TMEM94: variants seen among roughly 807,000 people sequenced by gnomAD.
The protein encoded by TMEM94 is transmembrane protein 94, also known as ER Mg2+ ATPase.
Under a neutral mutation model 158.6 loss-of-function variants are expected in TMEM94, and 81 were observed. The observed-to-expected ratio is 0.51, with a 90% confidence interval of 0.43 to 0.61. The LOEUF is 0.61. TMEM94 is among the 20% of genes least tolerant of loss of function. The probability of loss-of-function intolerance (pLI) is 0.00; values close to 1 mark genes in which losing one functional copy is unlikely to be tolerated. For synonymous variants in TMEM94, 751 were observed against 730.7 expected (o/e 1.03, Z -0.45); for missense variants, 1,435 against 1,762.0 (o/e 0.81, Z 3.32).
Position 75,494,987 on chromosome 17 carries a change from C to T in TMEM94, c.2681C>T (p.Pro894Leu), listed in dbSNP as rs368578867. 7 of 1,613,458 alleles carry T rather than the reference C, an allele frequency of 4.3e-6. No homozygotes were observed. The highest frequency in any genetic ancestry group is 1.6e-4 in the Middle Eastern group (1 of 6,062). ...NGDMPGSEIP[P>L]SSPSHAGSLH... Reference sequence around the variant, plus strand: ...GACATGCCTGGCTCCGAGATCCCCCCCTCCAGCCCCAGCCACGCAGGCTCC... The same window carrying T: ...GACATGCCTGGCTCCGAGATCCCCCTCTCCAGCCCCAGCCACGCAGGCTCC... Residue 894 changes from proline to leucine, a missense_variant, in exon 20 of 32, where the codon CCC becomes CTC. Pro to Leu is a moderately conservative substitution (Grantham distance 98, BLOSUM62 -3). Around this residue, in one of 3 missense-constraint regions of TMEM94, gnomAD observed 1,051 missense variants for 1,254.4 expected, o/e 0.84. Transcript: ENST00000314256.
chr17:75,478,893 G>A, intron 2 of TMEM94, among the ~76,000 whole-genome samples: 1 of 152,308 alleles, frequency 6.6e-6, no homozygotes, highest in South Asian at 2.1e-4. Context: ...CTTAAGGCCA[G>A]GTTAGATTTT....
intron 11 of TMEM94, 138 bp from the exon 12 acceptor site, chr17:75,490,911 C>CG (rs1023843020): frequency 3.2e-6 from 3 of 924,912 alleles, no homozygotes; most frequent in Middle Eastern, 4.4e-4. Flanking sequence ...GTTCCCATAA[C>CG]GTGTCCACAC....
At chr17:75,493,663 G>A (rs1426477333) in intron 17 of TMEM94, 36 bp from the exon 18 acceptor site, 1 of 1,613,580 alleles carries the variant, frequency 6.2e-7, no homozygotes, top group East Asian at 2.2e-5. Flanking sequence ...TCACAGGCAG[G>A]AACACTCACC....
chr17:75,492,039 G>C lies in TMEM94; in HGVS notation c.1596+139G>C. On this transcript the variant is annotated intron_variant, in intron 14 of 31. Transcript: ENST00000314256. This position sits in a 1 kb window ranked among gnomAD's most constrained non-coding sequence, Gnocchi z 4.4. ...CCCAGCACCTCCAGGCTAGGCCAGT[G>C]GTCCCTGAGGCCCTCCCCAAGTCTG... is the stretch of plus-strand genomic sequence containing the variant. 1 of 911,498 alleles carries C rather than the reference G, an allele frequency of 1.1e-6. No individual in the cohort carries two copies. The highest frequency in any genetic ancestry group is 1.7e-5 in the South Asian group (1 of 58,274). The allele number at this position is 911,498 out of a possible 1,614,324, so 56.5% of individuals were successfully genotyped here.
chr17:75,493,999 G>A, intron 18 of TMEM94, 83 bp downstream of exon 18: 1 of 1,367,172 alleles, frequency 7.3e-7, no homozygotes. Context: ...GGCGTCTGGA[G>A]GGCCCCGGCA....
chr17:75,491,270 G>C lies in TMEM94; in HGVS notation c.1234-33G>C, dbSNP rs774825477. On this transcript the variant is annotated intron_variant, in intron 12 of 31. Transcript: ENST00000314256. The surrounding 1 kb of genome is among the most constrained non-coding windows in gnomAD (Gnocchi z 5.1). ...CCTGGGCAGGATAGGCTAATGCCAG[G>C]CCCCTTTCCTATCTCAAATGCTTTC... 1 of 1,595,204 alleles carries C rather than the reference G, an allele frequency of 6.3e-7. No homozygotes were observed. Among genetic ancestry groups the C allele is most frequent in the East Asian group, 2.2e-5 (1 of 44,870 alleles).
At chr17:75,486,474 T>A in intron 5 of TMEM94, 48 bp downstream of exon 5, 10 of 1,612,352 alleles carry the variant, frequency 6.2e-6, no homozygotes, top group Non-Finnish European at 7.6e-6. Context: ...ACCGGACATA[T>A]CAGAGCCCTG....
In TMEM94 at chr17:75,499,258, C is replaced by T. The variant is rs2053082940; in HGVS notation, c.3999-4C>T. 6.2e-7 allele frequency: 1 copy of T among 1,613,622 alleles called. No homozygotes were observed. The highest frequency in any genetic ancestry group is 8.5e-7 in the Non-Finnish European group (1 of 1,179,960). The stretch of plus-strand genomic sequence containing the variant: ...ACCTGTACTTTAATCTCCTGCCCCA[C>T]CAGGGTCCGAGTCCGCTACCAGAAG... On this transcript the variant is annotated splice_polypyrimidine_tract_variant and splice_region_variant and intron_variant, in intron 31 of 31. Coordinates refer to ENST00000314256, the MANE Select transcript of TMEM94 (RefSeq NM_014738.6).
At position 75,485,339 on chromosome 17, in the gene TMEM94, A is replaced by G; in HGVS notation, c.25-89A>G. The G allele has an allele frequency of 4.8e-6, 7 of 1,473,550 alleles. No homozygotes were observed. The highest frequency in any genetic ancestry group is 5.5e-6 in the Non-Finnish European group (6 of 1,082,648). The allele number at this position is 1,473,550 out of a possible 1,614,324, so 91.3% of individuals were successfully genotyped here. ...AGGATCCCAGAGGAGGGGAAGGATGAAGGGCCAGGGAAGGGGAGGGTTGGG... is the reference window on the plus strand; with the variant it reads ...AGGATCCCAGAGGAGGGGAAGGATGGAGGGCCAGGGAAGGGGAGGGTTGGG... On this transcript the variant is annotated intron_variant, in intron 2 of 31. Transcript: ENST00000314256. The surrounding 1 kb of genome is among the most constrained non-coding windows in gnomAD (Gnocchi z 5.5).
At chr17:75,464,608 TTCCTTTCTTTCTTTCCTTCCTTCC>T (rs1567906639) in intron 1 of TMEM94, among the ~76,000 whole-genome samples, 13 of 75,986 alleles carry the variant, frequency 1.7e-4, no homozygotes, top group East Asian at 1.2e-3. Flanking sequence ...CTTTCTTTCC[TTCCTTTCTTTCTTTCCTTCCTTCC>T]TTCCTTCCTT....
chr17:75,489,693 T>G lies in TMEM94; in HGVS notation c.954+31T>G. On this transcript the variant is annotated intron_variant, in intron 9 of 31. Transcript: ENST00000314256. This position sits in a 1 kb window ranked among gnomAD's most constrained non-coding sequence, Gnocchi z 5.0. ...GACCACCCTGTCCTCTCTGTCATGC[T>G]TCCCTCCGACCCGCAGGGCTGGCTC... 1.3e-6 allele frequency: 2 copies of G among 1,579,906 alleles called. No individual in the cohort carries two copies. Among genetic ancestry groups the G allele is most frequent in the Non-Finnish European group, 8.7e-7 (1 of 1,149,462 alleles).
rs1237655952 is a variant in TMEM94 at position 75,486,486 on chromosome 17, G to C, written c.409+60G>C. 5 of 1,606,642 alleles carry C rather than the reference G, an allele frequency of 3.1e-6. No homozygotes were observed. The African/African-American group carries it at 5.3e-5, about 17-fold the overall frequency. On this transcript the variant is annotated intron_variant, in intron 5 of 31. Coordinates refer to ENST00000314256, the MANE Select transcript of TMEM94 (RefSeq NM_014738.6). ...ATGACCGGACATATCAGAGCCCTGAGGGCTCCCCTCCTGCACCCCAGCACA... is the reference window on the plus strand; with the variant it reads ...ATGACCGGACATATCAGAGCCCTGACGGCTCCCCTCCTGCACCCCAGCACA...
intron 1 of TMEM94, among the ~76,000 whole-genome samples, chr17:75,463,923 A>G (rs1598305833): frequency 6.6e-6 from 1 of 152,238 alleles, no homozygotes; most frequent in Non-Finnish European, 1.5e-5. Flanking sequence ...ACACAGATCT[A>G]TCAATTAGTA....
At chr17:75,469,625 G>A (rs77520817) in intron 1 of TMEM94, among the ~76,000 whole-genome samples, 2 of 148,808 alleles carry the variant, frequency 1.3e-5, no homozygotes, top group African/African-American at 5.0e-5. Context: ...GATTGCAGGC[G>A]TGAGCCACTG....
At chr17:75,476,647 G>A in intron 2 of TMEM94, 1 of 1,534,542 alleles carries the variant, frequency 6.5e-7, no homozygotes, top group Non-Finnish European at 8.7e-7. Context: ...GGGAGGTGTT[G>A]GAAGTTCTTG....
intron 1 of TMEM94, among the ~76,000 whole-genome samples, chr17:75,463,129 T>C (rs1401270099): frequency 2.1e-4 from 1 of 4,832 alleles, no homozygotes; most frequent in East Asian, 1.2e-3. Flanking sequence ...TATATATACG[T>C]GTATATATGT....
In TMEM94 at chr17:75,494,987, C is replaced by G. The variant is rs368578867; in HGVS notation, c.2681C>G (p.Pro894Arg). 31 of 1,613,340 alleles carry G rather than the reference C, an allele frequency of 1.9e-5. No homozygotes were observed. The highest frequency in any genetic ancestry group is 2.4e-5 in the Non-Finnish European group (28 of 1,180,028). The change falls in exon 20 of 32, where the codon CCC (proline) becomes CGC (arginine). Residue 894 changes from proline (P) to arginine (R), a missense_variant. Around this residue, in one of 3 missense-constraint regions of TMEM94, gnomAD observed 1,051 missense variants for 1,254.4 expected, o/e 0.84. Transcript: ENST00000314256. Reference protein sequence around the residue: ...NGDMPGSEIPPSSPSHAGSLH... With the variant: ...NGDMPGSEIPRSSPSHAGSLH... ...GACATGCCTGGCTCCGAGATCCCCC[C>G]CTCCAGCCCCAGCCACGCAGGCTCC...
chr17:75,497,848 T>A lies in TMEM94; in HGVS notation c.3475T>A (p.Ser1159Thr), dbSNP rs2052879002. Residue 1159 changes from serine (S) to threonine (T), a missense_variant, in exon 27 of 32, where the codon TCC becomes ACC. This residue lies in a region of TMEM94 where 335 missense variants were observed against 409.1 expected (regional missense o/e 0.82). Coordinates refer to ENST00000314256, the MANE Select transcript of TMEM94 (RefSeq NM_014738.6). ...MSMATGKNLQ[S>T]IPKKTQHYFL... Reference sequence around the variant, plus strand: ...TATGGCAACGGGGAAAAACCTCCAGTCCATTCCCAAGAAGGTAAGCAAAAC... The same window carrying A: ...TATGGCAACGGGGAAAAACCTCCAGACCATTCCCAAGAAGGTAAGCAAAAC... The A allele has an allele frequency of 6.2e-7, 1 of 1,613,570 alleles. No individual in the cohort carries two copies.
rs1037107043 is a variant in TMEM94, at chr17:75,498,799, G to A, written c.3827+77G>A. 36 of 1,525,200 alleles carry A rather than the reference G, an allele frequency of 2.4e-5. No individual in the cohort carries two copies. Among genetic ancestry groups the A allele is most frequent in the East Asian group, 6.8e-5 (3 of 44,088 alleles). 94.5% of individuals were successfully genotyped at this position (1,525,200 alleles called of 1,614,324 possible). ...TTCTGCAGGGCTAGGATCGGAGGGC[G>A]GGACCGGGGCCAGTGGTTTAACTGT... On this transcript the variant is annotated intron_variant, in intron 30 of 31. Transcript: ENST00000314256. The surrounding 1 kb of genome is among the most constrained non-coding windows in gnomAD (Gnocchi z 6.7).
Sources: allele counts gnomAD v4.1 joint callset (sites outside exome capture counted in the v4.1 genomes callset), GRCh38; gene constraint gnomAD v4.1.1; regional missense constraint gnomAD v4.1.1; non-coding constraint Gnocchi (gnomAD v3.1); transcripts MANE v1.5; gene names NCBI Gene and HGNC (gene_info 2026-07-23, HGNC 2026-07-21).